The following ZNF609 variants were observed in gnomAD, a reference collection of about 807,000 sequenced individuals.
ZNF609 encodes the protein zinc finger protein 609.
A neutral mutation model predicts 109.5 loss-of-function variants in ZNF609; 11 were observed. That is an observed-to-expected ratio of 0.10 (90% CI 0.06 to 0.17). The LOEUF is 0.17. ZNF609 is among the 10% of genes least tolerant of loss of function. ZNF609 has a pLI of 1.00. For missense variants in ZNF609, 1,559 were observed against 1,772.4 expected, an observed-to-expected ratio of 0.88 and a Z score of 2.16; for synonymous variants, 646 against 662.0, an observed-to-expected ratio of 0.98 and a Z score of 0.37.
intron 3 of ZNF609, among the ~76,000 whole-genome samples, chr15:64,640,022 C>G (rs1388374222): frequency 6.6e-6 from 1 of 152,028 alleles, no homozygotes; most frequent in Admixed American, 6.6e-5. Flanking sequence ...TGGGTTCAAG[C>G]GATTCTCTTG....
At position 64,635,590 on chromosome 15, in the gene ZNF609, G is replaced by A. The variant is rs117951680; in HGVS notation, c.973+12538G>A. 2.2e-4 allele frequency among the ~76,000 whole-genome samples: 33 copies of A among 152,304 alleles called. 1 individual carries two copies. In the East Asian group the frequency reaches 6.2e-3, roughly 28 times the overall value. ...AGGGACTTGTCTTTGTTAGTCATTG[G>A]TTGTGATGAAATCTGCTGGAAGATG... is the stretch of plus-strand genomic sequence containing the variant. On this transcript the variant is annotated intron_variant, in intron 3 of 9. Coordinates refer to ENST00000326648, the MANE Select transcript of ZNF609 (RefSeq NM_015042.2).
chr15:64,666,925 A>G (rs917707052), intron 3 of ZNF609, among the ~76,000 whole-genome samples: 1 of 151,990 alleles, frequency 6.6e-6, no homozygotes, highest in Non-Finnish European at 1.5e-5. Context: ...TCAGGAGATC[A>G]AGACCATCCT....
chr15:64,499,856 C>T lies in ZNF609; in HGVS notation c.437C>T (p.Ala146Val), dbSNP rs372616335. The T allele has an allele frequency of 1.0e-4, 169 of 1,613,824 alleles. No homozygotes were observed. Among genetic ancestry groups the T allele is most frequent in the Non-Finnish European group, 1.3e-4 (149 of 1,179,986 alleles). ...AAIAPKGSEK[A>V]AKASRSVAGS... Reference sequence around the variant, plus strand: ...ATTGCTCCCAAGGGCTCAGAGAAGGCGGCTAAGGCATCCCGCAGTGTAGCC... The same window carrying T: ...ATTGCTCCCAAGGGCTCAGAGAAGGTGGCTAAGGCATCCCGCAGTGTAGCC... The change falls in exon 2 of 10, where the codon GCG (alanine) becomes GTG (valine). Residue 146 changes from alanine (A) to valine (V), a missense_variant. This residue lies in a region of ZNF609 where 291 missense variants were observed against 317.8 expected (regional missense o/e 0.92). Transcript: ENST00000326648.
At position 64,675,936 on chromosome 15, in the gene ZNF609, G is replaced by A. The variant is rs1257001583; in HGVS notation, c.3082G>A (p.Gly1028Ser). The change falls in exon 5 of 10, where the codon GGC (glycine) becomes AGC (serine). Residue 1028 changes from glycine to serine, a missense_variant. By Grantham distance (56) the Gly-to-Ser change is moderately conservative. Around this residue, in one of 4 missense-constraint regions of ZNF609, gnomAD observed 1,204 missense variants for 1,314.1 expected, o/e 0.92. Coordinates refer to ENST00000326648, the MANE Select transcript of ZNF609 (RefSeq NM_015042.2). ...QRGVDKKAEM[G>S]LKEREAALKE... ...GGGAGTGGACAAGAAGGCAGAGATG[G>A]GCCTGAAGGAGCGGGAGGCAGCACT... 3 of 1,614,092 alleles carry A rather than the reference G, an allele frequency of 1.9e-6. No homozygotes were observed. Among genetic ancestry groups the A allele is most frequent in the Non-Finnish European group, 2.5e-6 (3 of 1,180,056 alleles).
chr15:64,516,690 A>C (rs915236446), intron 2 of ZNF609, among the ~76,000 whole-genome samples: 28 of 152,280 alleles, frequency 1.8e-4, no homozygotes, highest in South Asian at 1.5e-3. Context: ...TAATACTTTT[A>C]AAGAAAACTT....
intron 1 of ZNF609, among the ~76,000 whole-genome samples, chr15:64,490,735 A>G (rs1053232988): frequency 1.3e-5 from 2 of 152,202 alleles, no homozygotes; most frequent in African/African-American, 4.8e-5. Flanking sequence ...TCAGGATACC[A>G]TTTAGCCTAT....
intron 1 of ZNF609, among the ~76,000 whole-genome samples, chr15:64,491,038 C>G (rs1250485492): frequency 6.6e-6 from 1 of 152,184 alleles, no homozygotes; most frequent in Admixed American, 6.5e-5. Context: ...CTCAAATTGG[C>G]TCTTTTAGTC....
chr15:64,647,264 C>T (rs563167035), intron 3 of ZNF609, among the ~76,000 whole-genome samples: 43 of 151,618 alleles, frequency 2.8e-4, no homozygotes, highest in African/African-American at 9.9e-4. Flanking sequence ...AGAATGGATA[C>T]ATTTATATAG....
rs1896862582 is a variant in ZNF609, at chr15:64,680,218, C to T, written c.3803C>T (p.Pro1268Leu). Residue 1268 changes from proline (P) to leucine (L), a missense_variant, in exon 7 of 10, where the codon CCA (proline) becomes CTA (leucine). Pro to Leu is a moderately conservative substitution (Grantham distance 98, BLOSUM62 -3). Coordinates refer to ENST00000326648, the MANE Select transcript of ZNF609 (RefSeq NM_015042.2). ...CTGCCTTCCAGCTACTCTTTTTCCCCATATGGCAGCAAGGTCTCAGGTGGT... is the reference window on the plus strand; with the variant it reads ...CTGCCTTCCAGCTACTCTTTTTCCCTATATGGCAGCAAGGTCTCAGGTGGT... ...SYLPSSYSFSPYGSKVSGGED... is the reference protein window; with the variant it reads ...SYLPSSYSFSLYGSKVSGGED... 2 of 1,614,016 alleles carry T rather than the reference C, an allele frequency of 1.2e-6. No homozygotes were observed. The highest frequency in any genetic ancestry group is 1.3e-5 in the African/African-American group (1 of 74,912).
chr15:64,656,012 C>T (rs4776598), intron 3 of ZNF609, among the ~76,000 whole-genome samples: 7 of 152,100 alleles, frequency 4.6e-5, no homozygotes, highest in African/African-American at 1.7e-4. Context: ...CAGCTTTTGG[C>T]GAAGGATGAA....
intron 2 of ZNF609, among the ~76,000 whole-genome samples, chr15:64,563,844 C>A (rs1009152805): frequency 3.9e-5 from 6 of 152,184 alleles, no homozygotes; most frequent in Admixed American, 3.9e-4. Flanking sequence ...GTAATCCCTC[C>A]CAAAGTGGTG....
intron 4 of ZNF609, 145 bp from the exon 5 acceptor site, chr15:64,673,771 A>G (rs1896768260): frequency 3.2e-6 from 3 of 925,914 alleles, no homozygotes; most frequent in African/African-American, 3.3e-5. Context: ...CATTTAGTGC[A>G]ATTCACAATC....
intron 3 of ZNF609, among the ~76,000 whole-genome samples, chr15:64,666,150 T>C (rs1896645592): frequency 6.6e-6 from 1 of 151,704 alleles, no homozygotes; most frequent in Non-Finnish European, 1.5e-5. Context: ...TCTCAGCACT[T>C]TGGGAGACCA....
At chr15:64,548,507 T>C (rs1400575155) in intron 2 of ZNF609, among the ~76,000 whole-genome samples, 3 of 152,316 alleles carry the variant, frequency 2.0e-5, no homozygotes, top group African/African-American at 7.2e-5. Context: ...ATGTCTGTAA[T>C]CCTAACACTT....
chr15:64,680,510 T>C (rs1896868080), intron 7 of ZNF609, 136 bp from the exon 8 acceptor site: 5 of 1,286,428 alleles, frequency 3.9e-6, no homozygotes, highest in South Asian at 1.4e-5. Flanking sequence ...TCTTTATTCT[T>C]AGGTATCTTG....
chr15:64,680,724 G>A lies in ZNF609; in HGVS notation c.4024G>A (p.Gly1342Arg), dbSNP rs775815960. 27 of 1,613,326 alleles carry A rather than the reference G, an allele frequency of 1.7e-5. No homozygotes were observed. The Middle Eastern group carries it at 1.5e-3, about 89-fold the overall frequency. Residue 1342 changes from glycine (G) to arginine (R), a missense_variant, in exon 8 of 10, where the codon GGG (glycine) becomes AGG (arginine). By Grantham distance (125) the Gly-to-Arg change is moderately radical. Around this residue, in one of 4 missense-constraint regions of ZNF609, gnomAD observed 1,204 missense variants for 1,314.1 expected, o/e 0.92. Transcript: ENST00000326648. ...VGGGGSCSSV[G>R]GASGGERSVD... The stretch of plus-strand genomic sequence containing the variant: ...GGGTGGTGGCAGCTGTAGCAGCGTC[G>A]GGGGAGCAAGTGGGGGTGAACGGAG...
Position 64,529,684 on chromosome 15 carries a change from A to T in ZNF609, c.747+29518A>T, listed in dbSNP as rs144326235. 8.0e-3 allele frequency: 5,730 copies of T among 718,944 alleles called. 64 individuals are homozygous for T. The highest frequency in any genetic ancestry group is 0.023 in the South Asian group (1,681 of 73,544). The allele number at this position is 718,944 out of a possible 1,614,324, so 44.5% of individuals were successfully genotyped here. ...TCACCTTACCCATGGTGTCTCAGGG[A>T]TGCAGCTGCCAATGCGAGAGAATAT... On this transcript the variant is annotated intron_variant, in intron 2 of 9. Transcript: ENST00000326648.
intron 2 of ZNF609, among the ~76,000 whole-genome samples, chr15:64,604,743 C>T (rs765066304): frequency 1.3e-5 from 2 of 152,174 alleles, no homozygotes; most frequent in Non-Finnish European, 2.9e-5. Flanking sequence ...CAAATAATCC[C>T]ATCAGGATTC....
intron 2 of ZNF609, among the ~76,000 whole-genome samples, chr15:64,610,202 C>T (rs973734140): frequency 5.3e-5 from 8 of 151,860 alleles, no homozygotes; most frequent in African/African-American, 1.9e-4. Context: ...ATTGAGCAAA[C>T]CAACGCAGAA....
Sources: allele counts gnomAD v4.1 joint callset (sites outside exome capture counted in the v4.1 genomes callset), GRCh38; gene constraint gnomAD v4.1.1; regional missense constraint gnomAD v4.1.1; transcripts MANE v1.5; gene names NCBI Gene and HGNC (gene_info 2026-07-23, HGNC 2026-07-21).